The following ST3GAL1 variants were observed in gnomAD, a reference collection of about 807,000 sequenced individuals.
ST3GAL1 encodes the protein CMP-N-acetylneuraminate-beta-galactosamide-alpha-2,3-sialyltransferase 1.
A neutral mutation model predicts 34.1 loss-of-function variants in ST3GAL1; 16 were observed. The ratio of observed to expected loss-of-function variants is 0.47; its 90% CI spans 0.32 to 0.71. The LOEUF is 0.71. Among genes scored for constraint, ST3GAL1 ranks in the 30% least tolerant of loss-of-function variants. The pLI is 0.04. For synonymous variants in ST3GAL1, 191 were observed against 184.7 expected (o/e 1.03, Z -0.28); for missense variants, 353 against 447.4 (o/e 0.79, Z 1.90).
intron 1 of ST3GAL1, among the ~76,000 whole-genome samples, chr8:133,557,573 C>T (rs572428054): frequency 6.6e-6 from 1 of 152,244 alleles, no homozygotes; most frequent in South Asian, 2.1e-4. Flanking sequence ...ATAAAGAGGC[C>T]GTGGTCTGAC....
intron 2 of ST3GAL1, among the ~76,000 whole-genome samples, chr8:133,542,547 G>A (rs1818562355): frequency 6.6e-6 from 1 of 152,244 alleles, no homozygotes; most frequent in African/African-American, 2.4e-5. Context: ...GGCCAAGGCA[G>A]GCAGATCACT....
chr8:133,551,960 T>G (rs1243100118), intron 1 of ST3GAL1, among the ~76,000 whole-genome samples: 1 of 152,200 alleles, frequency 6.6e-6, no homozygotes, highest in Non-Finnish European at 1.5e-5. Flanking sequence ...GTCATATGAC[T>G]GATAAAGGCT....
rs188582584 is a variant in ST3GAL1, at chr8:133,472,160, C to T, written c.306+3559G>A. On this transcript the variant is annotated intron_variant, in intron 5 of 9. Coordinates refer to ENST00000522652, the MANE Select transcript of ST3GAL1 (RefSeq NM_173344.3). ...AGGGCACGGGGCTGATTTGTAAACTCAACTCAACTCAATTTAACTCAACTC... is the reference window on the plus strand; with the variant it reads ...AGGGCACGGGGCTGATTTGTAAACTTAACTCAACTCAATTTAACTCAACTC... Among the ~76,000 whole-genome samples, 350 of 146,636 alleles carry T rather than the reference C, an allele frequency of 2.4e-3. 1 individual carries two copies. Among genetic ancestry groups the T allele is most frequent in the Non-Finnish European group, 4.3e-3 (289 of 67,082 alleles).
Position 133,568,643 on chromosome 8 carries a change from C to T in ST3GAL1, c.-582+3050G>A, listed in dbSNP as rs575346759. On this transcript the variant is annotated intron_variant, in intron 1 of 9. Transcript: ENST00000522652. The stretch of plus-strand genomic sequence containing the variant: ...GAGGGTTAATGTTTAGATCCCTGGC[C>T]AAAGCTCTACCCAAATATAAACCCT... 3.3e-5 allele frequency among the ~76,000 whole-genome samples: 5 copies of T among 152,238 alleles called. No homozygotes were observed. In the South Asian group the frequency reaches 1.0e-3, roughly 32 times the overall value.
Position 133,461,398 on chromosome 8 carries a change from T to A in ST3GAL1, c.849+477A>T, listed in dbSNP as rs1414306675. 6.6e-6 allele frequency among the ~76,000 whole-genome samples: 1 copy of A among 152,138 alleles called. No individual in the cohort carries two copies. Among genetic ancestry groups the A allele is most frequent in the Admixed American group, 6.5e-5 (1 of 15,276 alleles). On this transcript the variant is annotated intron_variant, in intron 9 of 9. Coordinates refer to ENST00000522652, the MANE Select transcript of ST3GAL1 (RefSeq NM_173344.3). The surrounding 1 kb of genome is among the most constrained non-coding windows in gnomAD (Gnocchi z 4.7). The stretch of plus-strand genomic sequence containing the variant: ...CGAAGGACATGGGAAGGCAAATGCA[T>A]GCTTCTCGAGATCACGGGTTCTCAA...
intron 1 of ST3GAL1, among the ~76,000 whole-genome samples, chr8:133,551,587 A>G (rs907691530): frequency 2.0e-5 from 3 of 150,786 alleles, no homozygotes; most frequent in African/African-American, 7.4e-5. Context: ...AGAAAGAAAG[A>G]AAGAAAGAAA....
At chr8:133,484,436 G>A (rs1816503556) in intron 3 of ST3GAL1, among the ~76,000 whole-genome samples, 1 of 152,208 alleles carries the variant, frequency 6.6e-6, no homozygotes, top group Non-Finnish European at 1.5e-5. Flanking sequence ...AAACAACTAG[G>A]AGATGGCAGA....
At chr8:133,518,543 G>A (rs559380873) in intron 2 of ST3GAL1, among the ~76,000 whole-genome samples, 9 of 152,294 alleles carry the variant, frequency 5.9e-5, no homozygotes, top group African/African-American at 1.9e-4. Flanking sequence ...CTTATCCAGC[G>A]AGACTGACAC....
intron 2 of ST3GAL1, among the ~76,000 whole-genome samples, chr8:133,509,952 G>A (rs575894043): frequency 2.6e-5 from 4 of 152,004 alleles, no homozygotes; most frequent in East Asian, 1.9e-4. Flanking sequence ...CCAGCTACTC[G>A]GGTGGCTGAG....
At chr8:133,524,889 G>A (rs1817919377) in intron 2 of ST3GAL1, among the ~76,000 whole-genome samples, 2 of 152,256 alleles carry the variant, frequency 1.3e-5, no homozygotes, top group African/African-American at 4.8e-5. Context: ...ACCAGGAACT[G>A]TGCAGTCCCA....
Position 133,513,418 on chromosome 8 carries a change from A to G in ST3GAL1, c.-428-14229T>C, listed in dbSNP as rs373274186. Among the ~76,000 whole-genome samples, 41 of 152,076 alleles carry G rather than the reference A, an allele frequency of 2.7e-4. 1 individual carries two copies. The East Asian group carries it at 7.7e-3, about 29-fold the overall frequency. ...TTCTCTAGTTTTTTGTTTTTCTTTC[A>G]TTTAATTTTGGAGTACGGAAGGCCT... is the stretch of plus-strand genomic sequence containing the variant. On this transcript the variant is annotated intron_variant, in intron 2 of 9. Transcript: ENST00000522652.
chr8:133,532,831 G>T (rs897263542), intron 2 of ST3GAL1, among the ~76,000 whole-genome samples: 1 of 152,168 alleles, frequency 6.6e-6, no homozygotes, highest in Non-Finnish European at 1.5e-5. Context: ...GAGTCCGCAG[G>T]TGCTGGGACA....
chr8:133,465,461 C>G (rs1414043771), intron 6 of ST3GAL1, among the ~76,000 whole-genome samples: 1 of 152,200 alleles, frequency 6.6e-6, no homozygotes, highest in African/African-American at 2.4e-5. Flanking sequence ...GCAGGAGACC[C>G]AGGACAGACT....
At chr8:133,493,865 A>AG (rs1316282577) in intron 3 of ST3GAL1, among the ~76,000 whole-genome samples, 1 of 126,134 alleles carries the variant, frequency 7.9e-6, no homozygotes, top group Non-Finnish European at 1.7e-5. Context: ...AAAAAAAAAG[A>AG]GAGAGAGAGG....
intron 2 of ST3GAL1, among the ~76,000 whole-genome samples, chr8:133,545,079 A>C (rs752866826): frequency 5.9e-5 from 9 of 152,252 alleles, no homozygotes; most frequent in Non-Finnish European, 1.0e-4. Context: ...TACTAAGCAC[A>C]TGAACTGTGA....
chr8:133,486,217 C>G (rs2130966240), intron 3 of ST3GAL1, among the ~76,000 whole-genome samples: 1 of 152,320 alleles, frequency 6.6e-6, no homozygotes, highest in South Asian at 2.1e-4. Context: ...TGGATGGTGC[C>G]AGGCTGAGGT....
At chr8:133,496,254 C>T (rs969569090) in intron 3 of ST3GAL1, among the ~76,000 whole-genome samples, 5 of 152,214 alleles carry the variant, frequency 3.3e-5, no homozygotes, top group African/African-American at 1.2e-4. Flanking sequence ...TTAATACATA[C>T]TTCTGAGCCC....
chr8:133,483,627 AT>A (rs1816476262), intron 3 of ST3GAL1, among the ~76,000 whole-genome samples: 1 of 152,212 alleles, frequency 6.6e-6, no homozygotes, highest in Admixed American at 6.5e-5. Flanking sequence ...GGCCGAATTC[AT>A]TATTTGTGTG....
intron 1 of ST3GAL1, among the ~76,000 whole-genome samples, chr8:133,564,519 T>TACACACAC (rs60855292): frequency 0.015 from 2,125 of 145,918 alleles, 26 homozygotes; most frequent in African/African-American, 0.028. Flanking sequence ...AAAGAGAAAA[T>TACACACAC]ACACACACAC....
Sources: allele counts gnomAD v4.1 joint callset (sites outside exome capture counted in the v4.1 genomes callset), GRCh38; gene constraint gnomAD v4.1.1; non-coding constraint Gnocchi (gnomAD v3.1); transcripts MANE v1.5; gene names NCBI Gene and HGNC (gene_info 2026-07-23, HGNC 2026-07-21).